Variants in MOSMO observed in about 807,000 individuals in gnomAD.
The protein encoded by MOSMO is modulator of smoothened.
A neutral mutation model predicts 18.4 loss-of-function variants in MOSMO; 5 were observed. The ratio of observed to expected loss-of-function variants is 0.27; its 90% CI spans 0.14 to 0.57. The LOEUF is 0.57. MOSMO is among the 20% of genes least tolerant of loss of function. MOSMO has a pLI of 0.92. For synonymous variants in MOSMO, 82 were observed against 82.3 expected (o/e 1.00, Z 0.02); for missense variants, 138 against 211.8 (o/e 0.65, Z 2.16).
downstream of MOSMO, among the ~76,000 whole-genome samples, chr16:22,086,788 A>G (rs1901190079): frequency 6.6e-6 from 1 of 152,226 alleles, no homozygotes; most frequent in Non-Finnish European, 1.5e-5. Context: ...TGCAAAGAGT[A>G]TGGCTTCCTC....
chr16:22,010,062 T>C (rs1347409465), intron 1 of MOSMO, among the ~76,000 whole-genome samples: 2 of 152,128 alleles, frequency 1.3e-5, no homozygotes, highest in African/African-American at 4.8e-5. Context: ...TGGTTCTGTA[T>C]TTATCCTGCA....
At chr16:22,057,247 C>T (rs1294582587) in intron 1 of MOSMO, among the ~76,000 whole-genome samples, 3 of 152,188 alleles carry the variant, frequency 2.0e-5, no homozygotes. Flanking sequence ...AGTCCAAGAT[C>T]AAAGTGCCAG....
At chr16:22,068,527 C>G (rs1021595386) in intron 1 of MOSMO, among the ~76,000 whole-genome samples, 1 of 152,144 alleles carries the variant, frequency 6.6e-6, no homozygotes, top group Non-Finnish European at 1.5e-5. Flanking sequence ...CCTGTACTTC[C>G]CAATTTCTTT....
chr16:22,042,986 C>T (rs1399855955), intron 1 of MOSMO, among the ~76,000 whole-genome samples: 1 of 152,150 alleles, frequency 6.6e-6, no homozygotes, highest in East Asian at 1.9e-4. Flanking sequence ...CCCCATACTC[C>T]TTTTTATATC....
At chr16:22,011,627 G>C (rs1338466020) in intron 1 of MOSMO, among the ~76,000 whole-genome samples, 1 of 152,122 alleles carries the variant, frequency 6.6e-6, no homozygotes, top group African/African-American at 2.4e-5. Context: ...GGTCCAGAGT[G>C]TAACAGTGAC....
At chr16:22,054,233 C>T (rs1900488893) in intron 1 of MOSMO, among the ~76,000 whole-genome samples, 1 of 152,078 alleles carries the variant, frequency 6.6e-6, no homozygotes, top group Non-Finnish European at 1.5e-5. Context: ...GTAACTGGGA[C>T]TACAGGCACA....
chr16:22,010,933 G>GAAA (rs568258058), intron 1 of MOSMO, among the ~76,000 whole-genome samples: 1 of 84,042 alleles, frequency 1.2e-5, no homozygotes, highest in Non-Finnish European at 2.6e-5. Context: ...AAAGAAAACA[G>GAAA]AAAAAAAAAA....
At chr16:22,017,078 C>G (rs1342229592) in intron 1 of MOSMO, among the ~76,000 whole-genome samples, 1 of 152,122 alleles carries the variant, frequency 6.6e-6, no homozygotes, top group Non-Finnish European at 1.5e-5. Context: ...TAGTTACTAG[C>G]TTCTGTAATG....
intron 1 of MOSMO, among the ~76,000 whole-genome samples, chr16:22,034,806 G>A (rs187338215): frequency 1.8e-3 from 252 of 143,234 alleles, no homozygotes; most frequent in Admixed American, 4.2e-3. Context: ...TGCCCAGGGC[G>A]GAGTACAGTG....
At chr16:22,037,249 TG>T (rs1470875270) in intron 1 of MOSMO, among the ~76,000 whole-genome samples, 2 of 152,030 alleles carry the variant, frequency 1.3e-5, no homozygotes, top group African/African-American at 4.8e-5. Context: ...CCAGTCTGGG[TG>T]ACAGAATGAG....
intron 1 of MOSMO, among the ~76,000 whole-genome samples, chr16:22,045,686 C>A (rs1900293370): frequency 6.6e-6 from 1 of 152,142 alleles, no homozygotes; most frequent in South Asian, 2.1e-4. Flanking sequence ...TGCATATATT[C>A]TATGGATCAT....
At chr16:22,089,473 A>T (rs1420081111), downstream of MOSMO, among the ~76,000 whole-genome samples, 1 of 152,146 alleles carries the variant, frequency 6.6e-6, no homozygotes, top group Non-Finnish European at 1.5e-5. Context: ...AATTTTCCCA[A>T]ACCAGCTGCT....
At chr16:22,020,587 G>A (rs1436472103) in intron 1 of MOSMO, among the ~76,000 whole-genome samples, 3 of 152,000 alleles carry the variant, frequency 2.0e-5, no homozygotes, top group Non-Finnish European at 4.4e-5. Context: ...GAGCCACCGC[G>A]CCCAGCCCTG....
rs554663292 is a variant in MOSMO, at chr16:22,075,030, T to G, written c.107-457T>G. ...ATTACAATTAGGCATATTTCAGGTT[T>G]GTCTTCAATTTCCTGAAAAGTGATT... On this transcript the variant is annotated intron_variant, in intron 1 of 2. Transcript: ENST00000542527. 1.2e-4 allele frequency among the ~76,000 whole-genome samples: 19 copies of G among 152,338 alleles called. No individual in the cohort carries two copies. In the East Asian group the frequency reaches 3.7e-3, roughly 29 times the overall value.
chr16:22,014,297 C>G (rs544276079), intron 1 of MOSMO, among the ~76,000 whole-genome samples: 4 of 152,172 alleles, frequency 2.6e-5, no homozygotes, highest in Non-Finnish European at 5.9e-5. Flanking sequence ...TCCTCTCCCC[C>G]GGTCTCCATT....
In MOSMO at chr16:22,021,375, G is replaced by C. The variant is rs566366704; in HGVS notation, c.106+12968G>C. On this transcript the variant is annotated intron_variant, in intron 1 of 2. Coordinates refer to ENST00000542527, the MANE Select transcript of MOSMO (RefSeq NM_001164579.2). The stretch of plus-strand genomic sequence containing the variant: ...GTGCTTGAAAATTTACCTAAATTTT[G>C]TTATTCTGTATTTTCCCCCAACTGA... Among the ~76,000 whole-genome samples the C allele has an allele frequency of 1.9e-4, 29 of 152,204 alleles. No homozygotes were observed. In the South Asian group the frequency reaches 6.0e-3, roughly 32 times the overall value.
intron 1 of MOSMO, among the ~76,000 whole-genome samples, chr16:22,020,445 C>T (rs1899735864): frequency 6.6e-6 from 1 of 151,600 alleles, no homozygotes. Flanking sequence ...CAGGCATGCG[C>T]CACCACGCCC....
At chr16:22,089,078 T>C (rs1369992032), downstream of MOSMO, among the ~76,000 whole-genome samples, 1 of 152,094 alleles carries the variant, frequency 6.6e-6, no homozygotes, top group Non-Finnish European at 1.5e-5. Context: ...TCCCCTCTCA[T>C]TGTTGAGCTT....
intron 1 of MOSMO, among the ~76,000 whole-genome samples, chr16:22,011,039 T>C (rs1255222320): frequency 1.3e-5 from 2 of 151,838 alleles, no homozygotes; most frequent in African/African-American, 2.4e-5. Context: ...TGAGTTGCCA[T>C]GGAGATAGGA....
Sources: gnomAD v4.1 joint callset for allele counts (sites outside exome capture counted in the v4.1 genomes callset) on GRCh38, gnomAD v4.1.1 for gene constraint, MANE v1.5 for transcripts, NCBI Gene and HGNC (gene_info 2026-07-23, HGNC 2026-07-21) for gene names.